The following GNAO1 variants were observed in gnomAD, a reference collection of about 807,000 sequenced individuals.
GNAO1 encodes the protein guanine nucleotide-binding protein G(o) subunit alpha.
For missense variants in GNAO1, 166 were observed against 478.7 expected (o/e 0.35, Z 6.10); for synonymous variants, 164 against 180.7 (o/e 0.91, Z 0.74).
chr16:56,345,269 G>A, intron 6 of GNAO1: 1 of 985,522 alleles, frequency 1.0e-6, no homozygotes, highest in Non-Finnish European at 1.2e-6. Context: ...TGCTTGTACA[G>A]CAGGCTGTGC....
chr16:56,205,555 T>TCTTA (rs1413492147), intron 2 of GNAO1, among the ~76,000 whole-genome samples: 5 of 152,190 alleles, frequency 3.3e-5, no homozygotes, highest in African/African-American at 9.7e-5. Context: ...TTCTTCCTAC[T>TCTTA]CTTAATTCCC....
intron 2 of GNAO1, among the ~76,000 whole-genome samples, chr16:56,201,091 C>T (rs1167429407): frequency 6.6e-6 from 1 of 152,178 alleles, no homozygotes; most frequent in Admixed American, 6.5e-5. Flanking sequence ...CCTGAAGGAA[C>T]TCATGGTCTG....
intron 2 of GNAO1, among the ~76,000 whole-genome samples, chr16:56,242,128 G>A (rs941979253): frequency 2.0e-5 from 3 of 152,172 alleles, no homozygotes; most frequent in Middle Eastern, 3.2e-3. Flanking sequence ...CTGCATTCTG[G>A]CACTTCACCT....
intron 2 of GNAO1, chr16:56,192,883 T>C (rs1477331639): frequency 4.0e-6 from 2 of 498,940 alleles, no homozygotes; most frequent in African/African-American, 3.8e-5. Context: ...TCCGCCATAT[T>C]GATCAGAACA....
intron 6 of GNAO1, 29 bp downstream of exon 6, chr16:56,336,889 G>A: frequency 6.3e-7 from 1 of 1,595,422 alleles, no homozygotes; most frequent in African/African-American, 1.3e-5. Flanking sequence ...CCGGGCAGGG[G>A]GCAGCGCTGA....
rs1462150298 is a variant in GNAO1, at chr16:56,282,393, T to G, written c.303+6321T>G. Among the ~76,000 whole-genome samples the G allele has an allele frequency of 2.0e-5, 3 of 152,234 alleles. No individual in the cohort carries two copies. In the East Asian group the frequency reaches 5.8e-4, roughly 29 times the overall value. On this transcript the variant is annotated intron_variant, in intron 3 of 8. Transcript: ENST00000262493. Reference sequence around the variant, plus strand: ...CATTTATTTGTCTAAAATCATTATTTTTGATAAAGTGTTGATGAATTCTAC... The same window carrying G: ...CATTTATTTGTCTAAAATCATTATTGTTGATAAAGTGTTGATGAATTCTAC...
intron 3 of GNAO1, chr16:56,276,740 G>C (rs1249970427): frequency 6.6e-6 from 1 of 152,188 alleles, no homozygotes; most frequent in African/African-American, 2.4e-5. Context: ...CACTGGCAAG[G>C]CTAAATAAAA....
At chr16:56,289,026 C>T (rs1482522676) in intron 3 of GNAO1, among the ~76,000 whole-genome samples, 2 of 100,212 alleles carry the variant, frequency 2.0e-5, no homozygotes, top group African/African-American at 7.9e-5. Flanking sequence ...TCCTTTGTAT[C>T]CAAAAAAGGG....
intron 3 of GNAO1, among the ~76,000 whole-genome samples, chr16:56,309,716 C>A (rs1216644390): frequency 7.2e-5 from 11 of 152,304 alleles, no homozygotes; most frequent in African/African-American, 2.6e-4. Context: ...GTCCCACCAC[C>A]CAGGGGCCAG....
rs544537161 is a variant in GNAO1, at chr16:56,283,383, A to G, written c.303+7311A>G. Among the ~76,000 whole-genome samples, 273 of 152,284 alleles carry G rather than the reference A, an allele frequency of 1.8e-3. 1 individual carries two copies. Among genetic ancestry groups the G allele is most frequent in the African/African-American group, 6.3e-3 (260 of 41,568 alleles). ...TGCTCTTGTTCCACCAGGGGCCTTC[A>G]CTGGAGCTGTATCCCCTAGAGATAA... On this transcript the variant is annotated intron_variant, in intron 3 of 8. Transcript: ENST00000262493.
intron 2 of GNAO1, among the ~76,000 whole-genome samples, chr16:56,260,991 A>G (rs949179635): frequency 2.6e-5 from 4 of 152,204 alleles, no homozygotes; most frequent in Non-Finnish European, 4.4e-5. Flanking sequence ...AGAGGGAACC[A>G]GAAGGATGTG....
chr16:56,228,100 A>C (rs2036549808), intron 2 of GNAO1, among the ~76,000 whole-genome samples: 1 of 152,206 alleles, frequency 6.6e-6, no homozygotes, highest in Non-Finnish European at 1.5e-5. Context: ...GCATGACCAG[A>C]TAGCCCTGAG....
At chr16:56,300,043 GCGCGCGCGCACGCACA>G (rs752046530) in intron 3 of GNAO1, among the ~76,000 whole-genome samples, 169 of 92,188 alleles carry the variant, frequency 1.8e-3, no homozygotes, top group South Asian at 9.7e-3. Context: ...GTGTGCGCGC[GCGCGCGCGCACGCACA>G]TGTGCTTGTG....
intron 2 of GNAO1, among the ~76,000 whole-genome samples, chr16:56,233,931 C>G (rs2036613737): frequency 6.6e-6 from 1 of 152,146 alleles, no homozygotes; most frequent in African/African-American, 2.4e-5. Context: ...AGGCACTGGA[C>G]CAAAATAAAC....
chr16:56,280,597 A>G (rs943184239), intron 3 of GNAO1, among the ~76,000 whole-genome samples: 3 of 152,114 alleles, frequency 2.0e-5, no homozygotes, highest in Non-Finnish European at 4.4e-5. Flanking sequence ...GGGGGATGGC[A>G]GGGGGAGACT....
chr16:56,337,916 CCTT>C (rs745851755), intron 6 of GNAO1, among the ~76,000 whole-genome samples: 47 of 152,364 alleles, frequency 3.1e-4, no homozygotes, highest in Non-Finnish European at 4.4e-4. Context: ...TCTGTCATCT[CCTT>C]CTGTCTGGAA....
chr16:56,334,549 C>T (rs2037721699), intron 4 of GNAO1, among the ~76,000 whole-genome samples, 180 bp from the exon 5 acceptor site: 1 of 152,194 alleles, frequency 6.6e-6, no homozygotes, highest in Non-Finnish European at 1.5e-5. Context: ...GGCCAAGACC[C>T]CTAAGACCCA....
intron 2 of GNAO1, among the ~76,000 whole-genome samples, chr16:56,262,701 C>T (rs1439280764): frequency 2.6e-5 from 4 of 152,318 alleles, no homozygotes; most frequent in African/African-American, 9.6e-5. Flanking sequence ...GAATACCTCA[C>T]TTCATTATGT....
intron 2 of GNAO1, among the ~76,000 whole-genome samples, chr16:56,246,433 C>T (rs2036744834): frequency 6.6e-6 from 1 of 152,206 alleles, no homozygotes; most frequent in African/African-American, 2.4e-5. Flanking sequence ...CACAGAAACA[C>T]GGATCCTGTT....
Sources: allele counts gnomAD v4.1 joint callset (sites outside exome capture counted in the v4.1 genomes callset), GRCh38; gene constraint gnomAD v4.1.1; transcripts MANE v1.5; gene names NCBI Gene and HGNC (gene_info 2026-07-23, HGNC 2026-07-21).